Variants in AEBP2 observed in about 807,000 individuals in gnomAD.
The protein encoded by AEBP2 is zinc finger protein AEBP2.
In AEBP2, 10 loss-of-function variants were observed where a neutral mutation model predicts 50.8. The observed-to-expected ratio is 0.20, with a 90% confidence interval of 0.12 to 0.33. The LOEUF (loss-of-function observed/expected upper bound fraction) is 0.33, where lower values mean the gene tolerates loss of function less well. Among genes scored for constraint, AEBP2 ranks in the 10% least tolerant of loss-of-function variants. The probability of loss-of-function intolerance (pLI) is 1.00; values close to 1 mark genes in which losing one functional copy is unlikely to be tolerated. For missense variants in AEBP2, 570 were observed against 688.0 expected, an observed-to-expected ratio of 0.83 and a Z score of 1.92; for synonymous variants, 296 against 261.3, an observed-to-expected ratio of 1.13 and a Z score of -1.28.
At chr12:19,437,525 T>TA (rs1947873594), upstream of AEBP2, among the ~76,000 whole-genome samples, 1 of 152,102 alleles carries the variant, frequency 6.6e-6, no homozygotes, top group Admixed American at 6.5e-5. Flanking sequence ...AGGTGTGCCG[T>TA]AGAGACAGGG....
chr12:19,437,189 C>CA (rs1473587896), upstream of AEBP2, among the ~76,000 whole-genome samples: 1 of 152,194 alleles, frequency 6.6e-6, no homozygotes. Flanking sequence ...TTTCCACACT[C>CA]AGTCTATTAC....
chr12:19,459,554 G>T (rs1948335348), intron 1 of AEBP2, among the ~76,000 whole-genome samples: 1 of 152,080 alleles, frequency 6.6e-6, no homozygotes, highest in Non-Finnish European at 1.5e-5. Context: ...AATTTCTAGG[G>T]TTTAAATAAA....
At chr12:19,468,100 C>T in intron 2 of AEBP2, among the ~76,000 whole-genome samples, 1 of 149,730 alleles carries the variant, frequency 6.7e-6, no homozygotes, top group East Asian at 2.0e-4. Flanking sequence ...ACCGTGGAAT[C>T]ATCCATCCAA....
At chr12:19,507,586 C>A (rs1342429560) in intron 5 of AEBP2, among the ~76,000 whole-genome samples, 1 of 152,126 alleles carries the variant, frequency 6.6e-6, no homozygotes, top group Non-Finnish European at 1.5e-5. Context: ...GATGTCCACC[C>A]TTAAGTCACA....
intron 1 of AEBP2, among the ~76,000 whole-genome samples, chr12:19,420,328 ATTTTTTTTT>A (rs780103252): frequency 1.3e-5 from 1 of 76,586 alleles, no homozygotes; most frequent in African/African-American, 5.5e-5. Flanking sequence ...TGTGCTGACC[ATTTTTTTTT>A]TTTTTTTTTT....
intron 1 of AEBP2, chr12:19,440,576 C>T: frequency 2.8e-6 from 4 of 1,439,000 alleles, no homozygotes; most frequent in South Asian, 2.8e-5. Context: ...AAACCGTTCC[C>T]CCCCAACTCT....
At chr12:19,500,307 A>G (rs1949048898) in intron 5 of AEBP2, 86 bp downstream of exon 5, 1 of 1,227,216 alleles carries the variant, frequency 8.1e-7, no homozygotes, top group South Asian at 2.1e-5. Context: ...CTCAAAATCT[A>G]AGAAAGTACA....
In AEBP2 at chr12:19,417,045, G is replaced by A. The variant is rs569655437; in HGVS notation, c.-17+12829G>A. Among the ~76,000 whole-genome samples, 28 of 151,556 alleles carry A rather than the reference G, an allele frequency of 1.8e-4. 1 individual carries two copies. Among genetic ancestry groups the A allele is most frequent in the Non-Finnish European group, 4.1e-4 (28 of 67,946 alleles). On this transcript the variant is annotated intron_variant, in intron 1 of 3. Transcript: ENST00000538425. Reference sequence around the variant, plus strand: ...TGCCACCATGCGTGACTAATTGTTTGTATTTTTAGTAGAGACGGGATTTCA... The same window carrying A: ...TGCCACCATGCGTGACTAATTGTTTATATTTTTAGTAGAGACGGGATTTCA...
chr12:19,411,542 A>G (rs1004002048), intron 1 of AEBP2, among the ~76,000 whole-genome samples: 8 of 147,876 alleles, frequency 5.4e-5, no homozygotes, highest in Non-Finnish European at 1.0e-4. Flanking sequence ...GGGATTTTAC[A>G]AATTCCTGCT....
intron 1 of AEBP2, among the ~76,000 whole-genome samples, chr12:19,441,689 C>G (rs1565703954): frequency 1.3e-5 from 2 of 152,234 alleles, no homozygotes; most frequent in South Asian, 4.2e-4. Flanking sequence ...GTAAAGTAGA[C>G]TGTATAAACC....
intron 5 of AEBP2, among the ~76,000 whole-genome samples, chr12:19,506,172 C>G (rs771153673): frequency 1.3e-5 from 2 of 152,164 alleles, no homozygotes; most frequent in East Asian, 3.9e-4. Context: ...TACTGGCTCA[C>G]TGCAACCTCT....
intron 1 of AEBP2, among the ~76,000 whole-genome samples, chr12:19,429,150 C>T (rs1592709206): frequency 6.6e-6 from 1 of 152,258 alleles, no homozygotes; most frequent in East Asian, 1.9e-4. Context: ...ACAACAGGCC[C>T]CGGTGTGTGA....
rs146322128 is a variant in AEBP2, at chr12:19,406,704, G to A, written c.-17+2488G>A. Among the ~76,000 whole-genome samples, 12 of 151,986 alleles carry A rather than the reference G, an allele frequency of 7.9e-5. No homozygotes were observed. In the East Asian group the frequency reaches 2.3e-3, roughly 29 times the overall value. On this transcript the variant is annotated intron_variant, in intron 1 of 3. Transcript: ENST00000538425. ...CTCAAAAAAAAAAAAAAATTTTACT[G>A]AGGTCTATTTTATCAATTATTTCTC...
intron 2 of AEBP2, among the ~76,000 whole-genome samples, chr12:19,469,286 A>G (rs775698337): frequency 6.6e-6 from 1 of 152,138 alleles, no homozygotes; most frequent in Non-Finnish European, 1.5e-5. Context: ...ACATTCTGGC[A>G]GGAAAACCTG....
At chr12:19,473,877 G>A (rs117193691) in intron 3 of AEBP2, among the ~76,000 whole-genome samples, 267 of 152,260 alleles carry the variant, frequency 1.8e-3, no homozygotes, top group Middle Eastern at 6.8e-3. Flanking sequence ...TCTATTTGAA[G>A]TACAGGAGAA....
intron 1 of AEBP2, among the ~76,000 whole-genome samples, chr12:19,427,751 T>C (rs1021729254): frequency 6.6e-6 from 1 of 152,096 alleles, no homozygotes; most frequent in Non-Finnish European, 1.5e-5. Context: ...TTGGCTTTTA[T>C]AGTGAAGGAA....
chr12:19,439,669 A>AGGG lies in AEBP2; in HGVS notation c.-29_-28insGGG, dbSNP rs1947905204. ...TCGAGAGAGGGAGGCGGCGGTGGGG[A>AGGG]GGAGGAGGAGGAGGAGGAGCAGGCG... On this transcript the variant is annotated 5_prime_UTR_variant, in exon 1 of 8. Transcript: ENST00000266508. 1.2e-5 allele frequency: 3 copies of AGGG among 244,538 alleles called. No individual in the cohort carries two copies. Among genetic ancestry groups the AGGG allele is most frequent in the African/African-American group, 1.1e-4 (3 of 28,536 alleles). The allele number at this position is 244,538 out of a possible 1,614,324, so 15.1% of individuals were successfully genotyped here. A position where few individuals can be genotyped will look rare whatever the true frequency, so the allele number is the denominator to read the frequency against.
chr12:19,446,282 T>A (rs1948064283), intron 1 of AEBP2, among the ~76,000 whole-genome samples: 1 of 152,182 alleles, frequency 6.6e-6, no homozygotes, highest in Non-Finnish European at 1.5e-5. Context: ...ATTATTGTAT[T>A]CTGTTTTTTC....
chr12:19,410,275 C>T (rs1449369792), intron 1 of AEBP2, among the ~76,000 whole-genome samples: 1 of 152,184 alleles, frequency 6.6e-6, no homozygotes, highest in African/African-American at 2.4e-5. Context: ...CACGTGCTCC[C>T]ACTCTTATAT....
Sources: allele counts gnomAD v4.1 joint callset (sites outside exome capture counted in the v4.1 genomes callset), GRCh38; gene constraint gnomAD v4.1.1; transcripts MANE v1.5; gene names NCBI Gene and HGNC (gene_info 2026-07-23, HGNC 2026-07-21).